Variants in TLN2 observed in about 807,000 individuals in gnomAD.
TLN2 encodes talin 2.
Under a neutral mutation model 294.7 loss-of-function variants are expected in TLN2, and 118 were observed. That is an observed-to-expected ratio of 0.40 (90% CI 0.34 to 0.47). TLN2 has a LOEUF of 0.47. TLN2 is among the 20% of genes least tolerant of loss of function. The pLI, the probability that TLN2 is intolerant of heterozygous loss-of-function variation, is 0.84. For missense variants in TLN2, 3,083 were observed against 3,282.2 expected, an observed-to-expected ratio of 0.94 and a Z score of 1.48; for synonymous variants, 1,431 against 1,304.5, an observed-to-expected ratio of 1.10 and a Z score of -2.09.
At chr15:62,750,942 A>G (rs573235697) in intron 34 of TLN2, among the ~76,000 whole-genome samples, 3 of 152,242 alleles carry the variant, frequency 2.0e-5, no homozygotes, top group South Asian at 4.1e-4. Context: ...TTTGCAGTCT[A>G]TTCATGGCAT....
At chr15:62,517,464 G>T (rs1473400986) in intron 1 of TLN2, among the ~76,000 whole-genome samples, 2 of 152,160 alleles carry the variant, frequency 1.3e-5, no homozygotes, top group African/African-American at 4.8e-5. Flanking sequence ...AAGTTTGCTT[G>T]GGGGCCATGG....
chr15:62,694,278 G>C, intron 13 of TLN2, 38 bp from the exon 14 acceptor site: 1 of 1,608,612 alleles, frequency 6.2e-7, no homozygotes, highest in Non-Finnish European at 8.5e-7. Context: ...CGCGTGGCCT[G>C]GTTTTCATTT....
At chr15:62,516,417 T>G (rs977953131) in intron 1 of TLN2, among the ~76,000 whole-genome samples, 2 of 152,248 alleles carry the variant, frequency 1.3e-5, no homozygotes, top group Non-Finnish European at 2.9e-5. Flanking sequence ...CATTATGCAG[T>G]TAGGAGTTTT....
At chr15:62,666,455 CAGA>C (rs1360464851) in intron 9 of TLN2, among the ~76,000 whole-genome samples, 3 of 152,170 alleles carry the variant, frequency 2.0e-5, no homozygotes, top group African/African-American at 7.2e-5. Context: ...CCACCCATAC[CAGA>C]CAGCTGAACC....
intron 1 of TLN2, among the ~76,000 whole-genome samples, chr15:62,494,861 C>G (rs2038938952): frequency 6.6e-6 from 1 of 152,168 alleles, no homozygotes; most frequent in Non-Finnish European, 1.5e-5. Context: ...GACGCTGTCC[C>G]TTACTGTCAG....
chr15:62,494,961 T>G (rs16945148), intron 1 of TLN2, among the ~76,000 whole-genome samples: 16,323 of 152,210 alleles, frequency 0.11, 919 homozygotes, highest in Non-Finnish European at 0.12. Context: ...TGTTTGCTTC[T>G]GTTACTGAGA....
intron 1 of TLN2, among the ~76,000 whole-genome samples, chr15:62,496,158 G>A (rs750339222): frequency 6.6e-6 from 1 of 152,154 alleles, no homozygotes; most frequent in African/African-American, 2.4e-5. Context: ...TGACCAGTCT[G>A]GCCAGCTTTG....
At position 62,653,261 on chromosome 15, in the gene TLN2, G is replaced by A. The variant is rs372145437; in HGVS notation, c.464G>A (p.Arg155Gln). The change falls in exon 7 of 59, where the codon CGA (arginine) becomes CAA (glutamine). Residue 155 changes from arginine to glutamine, a missense_variant. By Grantham distance (43) the Arg-to-Gln change is conservative. Coordinates refer to ENST00000636159, the MANE Select transcript of TLN2 (RefSeq NM_015059.3). ...GTLKKDRTLL[R>Q]DERKMEKLKA... ...CTCAAAAAAGACAGGACACTGTTACGAGATGAGAGGAAAATGGAGAAGTTG... is the reference window on the plus strand; with the variant it reads ...CTCAAAAAAGACAGGACACTGTTACAAGATGAGAGGAAAATGGAGAAGTTG... The A allele has an allele frequency of 2.6e-5, 42 of 1,613,750 alleles. No homozygotes were observed. Among genetic ancestry groups the A allele is most frequent in the Non-Finnish European group, 3.2e-5 (38 of 1,179,978 alleles).
intron 1 of TLN2, among the ~76,000 whole-genome samples, chr15:62,421,559 C>T (rs1252596185): frequency 6.6e-6 from 1 of 151,692 alleles, no homozygotes; most frequent in Admixed American, 6.6e-5. Context: ...TTATCCTTAG[C>T]AAACTAATGC....
intron 9 of TLN2, among the ~76,000 whole-genome samples, chr15:62,673,293 T>A (rs1387507300): frequency 1.5e-5 from 2 of 136,274 alleles, no homozygotes; most frequent in African/African-American, 5.2e-5. Context: ...TAGTTTGCTT[T>A]AGATTTTTAG....
intron 1 of TLN2, among the ~76,000 whole-genome samples, chr15:62,494,102 A>T (rs1232669514): frequency 6.6e-6 from 1 of 152,130 alleles, no homozygotes; most frequent in Non-Finnish European, 1.5e-5. Context: ...GGTAGTTTTC[A>T]TGTGAATTTT....
At chr15:62,689,369 A>G (rs1417906639) in intron 12 of TLN2, among the ~76,000 whole-genome samples, 4 of 152,322 alleles carry the variant, frequency 2.6e-5, no homozygotes, top group East Asian at 1.9e-4. Flanking sequence ...CTATAACCAC[A>G]TAAGATGGTG....
At chr15:62,763,796 C>T in intron 40 of TLN2, 101 bp downstream of exon 40, 1 of 1,411,960 alleles carries the variant, frequency 7.1e-7, no homozygotes, top group Non-Finnish European at 9.3e-7. Context: ...CAAAATGTTT[C>T]TGTTGCTGGA....
intron 1 of TLN2, among the ~76,000 whole-genome samples, chr15:62,544,743 T>C (rs931600025): frequency 6.6e-6 from 1 of 151,424 alleles, no homozygotes; most frequent in African/African-American, 2.4e-5. Flanking sequence ...TTTTTTTTCT[T>C]CCCCCCCTCT....
At chr15:62,458,304 C>A (rs1445115446) in intron 1 of TLN2, among the ~76,000 whole-genome samples, 1 of 152,118 alleles carries the variant, frequency 6.6e-6, no homozygotes, top group African/African-American at 2.4e-5. Context: ...CTGCCCGCCG[C>A]CTCTCCCTGA....
At chr15:62,776,645 T>C in intron 42 of TLN2, 119 bp from the exon 43 acceptor site, 2 of 981,684 alleles carry the variant, frequency 2.0e-6, no homozygotes, top group South Asian at 1.0e-4. Flanking sequence ...AGAAATAGAA[T>C]AGATCGCTGT....
In TLN2 at chr15:62,494,754, G is replaced by T. The variant is rs1210409510; in HGVS notation, c.-237-94933G>T. On this transcript the variant is annotated intron_variant, in intron 1 of 58. Transcript: ENST00000636159. ...GAAAAAAAAGACATTTATTTGAGAA[G>T]ACATTTTTGTGTGTGCCCTGCTCCC... Among the ~76,000 whole-genome samples the T allele has an allele frequency of 1.1e-4, 16 of 152,014 alleles. 1 individual carries two copies.
chr15:62,804,662 C>T (rs183892754), intron 50 of TLN2, among the ~76,000 whole-genome samples: 201 of 152,280 alleles, frequency 1.3e-3, no homozygotes, highest in Non-Finnish European at 1.8e-3. Context: ...GCCTTCATTC[C>T]GCTGTAGCAT....
Position 62,580,402 on chromosome 15 carries a change from A to ACCTC in TLN2, c.-237-9265_-237-9262dup, listed in dbSNP as rs149866384. Among the ~76,000 whole-genome samples the ACCTC allele has an allele frequency of 1.7e-3, 225 of 132,384 alleles. 2 individuals are homozygous for ACCTC. Among genetic ancestry groups the ACCTC allele is most frequent in the African/African-American group, 4.2e-3 (147 of 35,386 alleles). 86.8% of individuals were successfully genotyped at this position (132,384 alleles called of 152,430 possible). A position where few individuals can be genotyped will look rare whatever the true frequency, so the allele number is the denominator to read the frequency against. On this transcript the variant is annotated intron_variant, in intron 1 of 58. Transcript: ENST00000636159. ...AGAGTTTCTCTCTTCTCCCCTCTCTACCTCCCTCCCTCCCTCCCTCCCTTC... is the reference window on the plus strand; with the variant it reads ...AGAGTTTCTCTCTTCTCCCCTCTCTACCTCCCTCCCTCCCTCCCTCCCTCCCTTC...
Sources: allele counts gnomAD v4.1 joint callset (sites outside exome capture counted in the v4.1 genomes callset), GRCh38; gene constraint gnomAD v4.1.1; transcripts MANE v1.5; gene names NCBI Gene and HGNC (gene_info 2026-07-23, HGNC 2026-07-21).